GRIA2: variants seen among roughly 807,000 people sequenced by gnomAD.
The protein encoded by GRIA2 is glutamate receptor 2.
GRIA2 carries 14 observed loss-of-function variants against 97.3 expected under a neutral mutation model. The observed-to-expected ratio is 0.14, with a 90% CI of 0.10 to 0.23. GRIA2 has a LOEUF of 0.23. GRIA2 is among the 10% of genes least tolerant of loss of function. The probability of loss-of-function intolerance (pLI) is 1.00; values close to 1 mark genes in which losing one functional copy is unlikely to be tolerated. For synonymous variants in GRIA2, 412 were observed against 387.8 expected (o/e 1.06, Z -0.73); for missense variants, 558 against 1,069.8 (o/e 0.52, Z 6.67).
At chr4:157,309,009 G>GA (rs1335904767) in intron 3 of GRIA2, among the ~76,000 whole-genome samples, 1 of 151,656 alleles carries the variant, frequency 6.6e-6, no homozygotes, top group African/African-American at 2.4e-5. Flanking sequence ...TACTATTACT[G>GA]AAAAAAAACC....
At chr4:157,240,770 A>G (rs1017781231) in intron 2 of GRIA2, among the ~76,000 whole-genome samples, 6 of 151,886 alleles carry the variant, frequency 4.0e-5, no homozygotes, top group Admixed American at 6.6e-5. Context: ...CAGGTTAGTT[A>G]CATATGTATA....
At chr4:157,262,149 G>A (rs908828366) in intron 2 of GRIA2, among the ~76,000 whole-genome samples, 6 of 151,698 alleles carry the variant, frequency 4.0e-5, no homozygotes, top group African/African-American at 1.2e-4. Flanking sequence ...TCCTATTTTG[G>A]TGGCCAGTAT....
chr4:157,350,552 G>A (rs1735964996), intron 12 of GRIA2, among the ~76,000 whole-genome samples: 1 of 151,428 alleles, frequency 6.6e-6, no homozygotes, highest in African/African-American at 2.4e-5. Context: ...TGTTCTTCAG[G>A]CGGCCCAGTG....
chr4:157,279,263 A>G (rs1488015268), intron 2 of GRIA2, among the ~76,000 whole-genome samples: 1 of 152,170 alleles, frequency 6.6e-6, no homozygotes, highest in Non-Finnish European at 1.5e-5. Flanking sequence ...AATATTGTTC[A>G]TCACTAAAAA....
chr4:157,300,084 G>T (rs1164735165), intron 2 of GRIA2, among the ~76,000 whole-genome samples: 1 of 151,890 alleles, frequency 6.6e-6, no homozygotes, highest in Admixed American at 6.6e-5. Flanking sequence ...CGTTATTTCT[G>T]ATAGTCTCGG....
At chr4:157,289,437 A>G (rs1300003248) in intron 2 of GRIA2, among the ~76,000 whole-genome samples, 1 of 151,862 alleles carries the variant, frequency 6.6e-6, no homozygotes, top group Non-Finnish European at 1.5e-5. Flanking sequence ...ATGTAAATAC[A>G]TTGATTACAT....
chr4:157,355,800 ATATT>A (rs1736260349), intron 12 of GRIA2, among the ~76,000 whole-genome samples: 1 of 97,642 alleles, frequency 1.0e-5, no homozygotes, highest in Non-Finnish European at 1.8e-5. Context: ...TTAGTTATAT[ATATT>A]TATATATTAG....
chr4:157,350,667 A>G (rs1011453264), intron 12 of GRIA2, among the ~76,000 whole-genome samples: 1 of 151,606 alleles, frequency 6.6e-6, no homozygotes, highest in Admixed American at 6.6e-5. Flanking sequence ...TTGCTTACTT[A>G]TATATCCTCC....
chr4:157,345,552 A>C (rs894639587), intron 12 of GRIA2, among the ~76,000 whole-genome samples: 1 of 152,290 alleles, frequency 6.6e-6, no homozygotes, highest in Non-Finnish European at 1.5e-5. Context: ...ATCTTGAATT[A>C]GATGACTTTG....
At position 157,332,875 on chromosome 4, in the gene GRIA2, C is replaced by T. The variant is rs199965016; in HGVS notation, c.939C>T (p.Asn313=). Residue 313 remains asparagine, a synonymous_variant, in exon 7 of 16, where the codon AAC becomes AAT. Transcript: ENST00000264426. ...AVQVMTEAFR[N]LRKQRIEISR... ...AAGTGATGACTGAAGCCTTCCGCAA[C>T]CTAAGGAAGCAAAGAATTGAAATCT... 1.2e-6 allele frequency: 2 copies of T among 1,612,436 alleles called. No individual in the cohort carries two copies. Among genetic ancestry groups the T allele is most frequent in the Non-Finnish European group, 1.7e-6 (2 of 1,178,818 alleles).
chr4:157,275,190 C>T (rs1163685323), intron 2 of GRIA2, among the ~76,000 whole-genome samples: 1 of 152,024 alleles, frequency 6.6e-6, no homozygotes, highest in Non-Finnish European at 1.5e-5. Context: ...CTGTTCATAT[C>T]CTTCGCCCAC....
chr4:157,336,882 C>T (rs964078045), intron 11 of GRIA2, 135 bp downstream of exon 11: 18 of 731,886 alleles, frequency 2.5e-5, no homozygotes, highest in Non-Finnish European at 3.9e-5. Context: ...TGAAGGACAT[C>T]CTCTTAGCTT....
Position 157,321,518 on chromosome 4 carries a change from T to C in GRIA2, c.801T>C (p.Asp267=). The change falls in exon 6 of 16, where the codon GAT becomes GAC. Residue 267 remains aspartate, a synonymous_variant. Coordinates refer to ENST00000264426, the MANE Select transcript of GRIA2 (RefSeq NM_001083619.3). ...VSGFQIVDYD[D]SLVSKFIERW... Reference sequence around the variant, plus strand: ...GATTTCAGATAGTGGACTATGATGATTCGTTGGTATCTAAATTTATAGAAA... The same window carrying C: ...GATTTCAGATAGTGGACTATGATGACTCGTTGGTATCTAAATTTATAGAAA... 1 of 1,606,510 alleles carries C rather than the reference T, an allele frequency of 6.2e-7. No homozygotes were observed. Among genetic ancestry groups the C allele is most frequent in the Non-Finnish European group, 8.5e-7 (1 of 1,173,190 alleles).
At chr4:157,277,145 A>G (rs1334937034) in intron 2 of GRIA2, among the ~76,000 whole-genome samples, 1 of 151,934 alleles carries the variant, frequency 6.6e-6, no homozygotes, top group East Asian at 1.9e-4. Flanking sequence ...AATTAACAAA[A>G]TATTAGCAAA....
chr4:157,356,845 C>A (rs944789867), intron 12 of GRIA2, among the ~76,000 whole-genome samples: 2 of 152,014 alleles, frequency 1.3e-5, no homozygotes, highest in Non-Finnish European at 2.9e-5. Context: ...ATCAGGTAGA[C>A]CACAAATATA....
At chr4:157,288,991 A>G (rs1732969558) in intron 2 of GRIA2, among the ~76,000 whole-genome samples, 6 of 151,818 alleles carry the variant, frequency 4.0e-5, no homozygotes. Context: ...TTCCCTTTTA[A>G]CAATGTATTT....
At chr4:157,312,292 A>C (rs1734116577) in intron 3 of GRIA2, among the ~76,000 whole-genome samples, 1 of 152,118 alleles carries the variant, frequency 6.6e-6, no homozygotes, top group Admixed American at 6.6e-5. Flanking sequence ...ACTATCATGT[A>C]TGACTAAACA....
chr4:157,310,505 G>A (rs1734032719), intron 3 of GRIA2, among the ~76,000 whole-genome samples: 1 of 151,910 alleles, frequency 6.6e-6, no homozygotes, highest in Admixed American at 6.6e-5. Flanking sequence ...TAGTATATGA[G>A]CAATTTTGCT....
chr4:157,271,680 A>T (rs779861287), intron 2 of GRIA2, among the ~76,000 whole-genome samples: 21 of 152,026 alleles, frequency 1.4e-4, no homozygotes, highest in Non-Finnish European at 2.8e-4. Context: ...TGATCGACTT[A>T]GTCTTCAGCC....
Sources: gnomAD v4.1 joint callset for allele counts (sites outside exome capture counted in the v4.1 genomes callset) on GRCh38, gnomAD v4.1.1 for gene constraint, MANE v1.5 for transcripts, NCBI Gene and HGNC (gene_info 2026-07-23, HGNC 2026-07-21) for gene names.